Variants in CDH23 observed in about 807,000 individuals in gnomAD.
CDH23 encodes the protein cadherin-23.
A neutral mutation model predicts 317.1 loss-of-function variants in CDH23; 189 were observed. The observed-to-expected ratio is 0.60, with a 90% CI of 0.53 to 0.67. The LOEUF is 0.67. Among genes scored for constraint, CDH23 ranks in the 30% least tolerant of loss-of-function variants. The pLI, the probability that CDH23 is intolerant of heterozygous loss-of-function variation, is 0.00. For missense variants in CDH23, 4,401 were observed against 4,592.4 expected (o/e 0.96, Z 1.20); for synonymous variants, 1,839 against 1,876.8 (o/e 0.98, Z 0.52).
intron 6 of CDH23, among the ~76,000 whole-genome samples, chr10:71,553,979 C>G (rs1479293033): frequency 6.6e-6 from 1 of 152,186 alleles, no homozygotes; most frequent in Non-Finnish European, 1.5e-5. Flanking sequence ...CCAGACCTTC[C>G]CACCATAAGT....
intron 11 of CDH23, among the ~76,000 whole-genome samples, chr10:71,631,280 G>T (rs1178647419): frequency 1.3e-5 from 2 of 152,196 alleles, no homozygotes; most frequent in Non-Finnish European, 2.9e-5. Flanking sequence ...CACCGCTCTA[G>T]CTGGGTTCAC....
chr10:71,724,139 C>T, intron 29 of CDH23, 34 bp downstream of exon 29: 1 of 1,550,308 alleles, frequency 6.5e-7, no homozygotes, highest in South Asian at 1.2e-5. Flanking sequence ...GGGGGCGGTC[C>T]TCCTGCCCAG....
chr10:71,778,177 T>C lies in CDH23; in HGVS notation c.5068-12T>C. On this transcript the variant is annotated splice_polypyrimidine_tract_variant and intron_variant, in intron 39 of 69. Coordinates refer to ENST00000224721, the MANE Select transcript of CDH23 (RefSeq NM_022124.6). ...CCTAGATCCATCCTTGTCCCTTCCC[T>C]GTGTCCCCCAGGGTGTCATCACTGC... The C allele has an allele frequency of 6.2e-7, 1 of 1,613,826 alleles. No individual in the cohort carries two copies. The highest frequency in any genetic ancestry group is 8.5e-7 in the Non-Finnish European group (1 of 1,179,834).
intron 32 of CDH23, among the ~76,000 whole-genome samples, chr10:71,733,004 TCA>T (rs1212134497): frequency 1.3e-5 from 2 of 152,190 alleles, no homozygotes; most frequent in African/African-American, 4.8e-5. Flanking sequence ...GGGCTCAGTC[TCA>T]CAAAACTGCC....
At position 71,397,771 on chromosome 10, in the gene CDH23, C is replaced by T. The variant is rs1847590715; in HGVS notation, c.-6+453C>T. On this transcript the variant is annotated intron_variant, in intron 1 of 69. Coordinates refer to ENST00000224721, the MANE Select transcript of CDH23 (RefSeq NM_022124.6). This position sits in a 1 kb window ranked among gnomAD's most constrained non-coding sequence, Gnocchi z 4.8. ...GACAGTGGGGATGGGGTGGGGCGCACCCCTACTGCGGGCTGGGCAGAGGCG... is the reference window on the plus strand; with the variant it reads ...GACAGTGGGGATGGGGTGGGGCGCATCCCTACTGCGGGCTGGGCAGAGGCG... Among the ~76,000 whole-genome samples the T allele has an allele frequency of 1.3e-5, 2 of 152,094 alleles. No individual in the cohort carries two copies. Among genetic ancestry groups the T allele is most frequent in the South Asian group, 4.2e-4 (2 of 4,816 alleles).
intron 68 of CDH23, among the ~76,000 whole-genome samples, 169 bp downstream of exon 68, chr10:71,813,059 C>T (rs1841996598): frequency 6.6e-6 from 1 of 152,200 alleles, no homozygotes; most frequent in Admixed American, 6.5e-5. Context: ...GCCTTAAGGG[C>T]AGGGCTCAGG....
At chr10:71,536,571 C>T (rs1394616611) in intron 6 of CDH23, among the ~76,000 whole-genome samples, 2 of 152,140 alleles carry the variant, frequency 1.3e-5, no homozygotes, top group Non-Finnish European at 2.9e-5. Context: ...GACAAGGCTG[C>T]TGGGATTTGG....
Position 71,807,628 on chromosome 10 carries a change from C to T in CDH23, c.8421C>T (p.Ser2807=), listed in dbSNP as rs755841293. 1.1e-5 allele frequency: 17 copies of T among 1,613,892 alleles called. No homozygotes were observed. The Admixed American group carries it at 1.5e-4, about 14-fold the overall frequency. ...TCTCCTTCATCGTCAAGGCCTCCAGCAATCGCAGCTGGACACCTCCCCGTG... is the reference window on the plus strand; with the variant it reads ...TCTCCTTCATCGTCAAGGCCTCCAGTAATCGCAGCTGGACACCTCCCCGTG... The part of the protein sequence containing the change: ...AIFSFIVKAS[S]NRSWTPPRGP... The change falls in exon 59 of 70, where the codon AGC becomes AGT. Residue 2807 remains serine, a synonymous_variant. Coordinates refer to ENST00000224721, the MANE Select transcript of CDH23 (RefSeq NM_022124.6).
intron 1 of CDH23, among the ~76,000 whole-genome samples, chr10:71,437,805 C>A (rs1191262382): frequency 6.6e-6 from 1 of 152,200 alleles, no homozygotes; most frequent in African/African-American, 2.4e-5. Context: ...CCCACATTCC[C>A]TCTTGGCTGA....
intron 5 of CDH23, 55 bp downstream of exon 5, chr10:71,511,056 A>AC (rs1853948289): frequency 6.2e-7 from 1 of 1,611,906 alleles, no homozygotes; most frequent in Non-Finnish European, 8.5e-7. Flanking sequence ...GGATTTCTGG[A>AC]CCCCTAGGGT....
intron 11 of CDH23, among the ~76,000 whole-genome samples, chr10:71,625,430 A>C (rs1589274097): frequency 2.1e-5 from 2 of 95,726 alleles, no homozygotes; most frequent in Non-Finnish European, 4.2e-5. Flanking sequence ...AAAAATGACA[A>C]GGAGAAAAGG....
At position 71,799,403 on chromosome 10, in the gene CDH23, T is replaced by C. The variant is rs554894962; in HGVS notation, c.7225-89T>C. The C allele has an allele frequency of 1.0e-4, 165 of 1,603,692 alleles. No homozygotes were observed. The Middle Eastern group carries it at 2.2e-3, about 21-fold the overall frequency. On this transcript the variant is annotated intron_variant, in intron 51 of 69. Coordinates refer to ENST00000224721, the MANE Select transcript of CDH23 (RefSeq NM_022124.6). ...TGGGAGTGCCCAGCCCACGAGCAGC[T>C]TGATGCCTGCATCAGTGAGTTCTAG...
chr10:71,413,404 A>AGT (rs1390800370), intron 1 of CDH23, among the ~76,000 whole-genome samples: 3 of 152,154 alleles, frequency 2.0e-5, no homozygotes, highest in Non-Finnish European at 4.4e-5. Flanking sequence ...TGAAATAGAA[A>AGT]GTGTGAGTAC....
rs1287310433 is a variant in CDH23, at chr10:71,778,230, C to A, written c.5109C>A (p.Ser1703Arg). 2 of 1,613,930 alleles carry A rather than the reference C, an allele frequency of 1.2e-6. No homozygotes were observed. Among genetic ancestry groups the A allele is most frequent in the Non-Finnish European group, 1.7e-6 (2 of 1,179,850 alleles). The change falls in exon 40 of 70, where the codon AGC (serine) becomes AGA (arginine). Residue 1703 changes from serine to arginine, a missense_variant. By Grantham distance (110) the Ser-to-Arg change is moderately radical. This residue lies in a region of CDH23 where 3,068 missense variants were observed against 3,203.3 expected (regional missense o/e 0.96). Transcript: ENST00000224721. ...CCAAAGAGCTGGACTACGAGATCAG[C>A]CACGGCCGCTACACCCTGATCGTCA... Reference protein sequence around the residue: ...TAAKELDYEISHGRYTLIVTA... With the variant: ...TAAKELDYEIRHGRYTLIVTA...
chr10:71,785,164 T>A, intron 43 of CDH23, 64 bp downstream of exon 43: 1 of 1,403,492 alleles, frequency 7.1e-7, no homozygotes, highest in African/African-American at 1.4e-5. Flanking sequence ...GACCCTGCCC[T>A]AGAGGCTTTT....
Position 71,766,418 on chromosome 10 carries a change from C to T in CDH23, c.4846-11262C>T, listed in dbSNP as rs142710511. Among the ~76,000 whole-genome samples, 566 of 152,238 alleles carry T rather than the reference C, an allele frequency of 3.7e-3. 7 individuals are homozygous for T. The highest frequency in any genetic ancestry group is 0.013 in the African/African-American group (529 of 41,540). The stretch of plus-strand genomic sequence containing the variant: ...GCAGGGCCACCTAGAGGAAGAGTGC[C>T]GTGAACCTGGGAAAGCCTGAGTCTC... On this transcript the variant is annotated intron_variant, in intron 38 of 69. Transcript: ENST00000224721.
At chr10:71,407,305 C>A (rs1848137681) in intron 1 of CDH23, among the ~76,000 whole-genome samples, 2 of 152,142 alleles carry the variant, frequency 1.3e-5, no homozygotes, top group South Asian at 2.1e-4. Context: ...TCTATCCAGC[C>A]CTGCCAGGTG....
intron 26 of CDH23, chr10:71,707,518 T>G (rs1865837265): frequency 2.8e-6 from 3 of 1,055,272 alleles, no homozygotes; most frequent in Non-Finnish European, 3.4e-6. Context: ...AAATGTTGCC[T>G]GGCTGTTGTC....
At chr10:71,422,685 T>A (rs1848870332) in intron 1 of CDH23, among the ~76,000 whole-genome samples, 1 of 152,210 alleles carries the variant, frequency 6.6e-6, no homozygotes, top group South Asian at 2.1e-4. Flanking sequence ...TCCACAGGCC[T>A]GCCCAACTGC....
Sources: allele counts gnomAD v4.1 joint callset (sites outside exome capture counted in the v4.1 genomes callset), GRCh38; gene constraint gnomAD v4.1.1; regional missense constraint gnomAD v4.1.1; non-coding constraint Gnocchi (gnomAD v3.1); transcripts MANE v1.5; gene names NCBI Gene and HGNC (gene_info 2026-07-23, HGNC 2026-07-21).